TGFBR2: variants seen among roughly 807,000 people sequenced by gnomAD.
TGFBR2 encodes TGF-beta receptor type-2.
A neutral mutation model predicts 49.0 loss-of-function variants in TGFBR2; 18 were observed. That is an observed-to-expected ratio of 0.37 (90% confidence interval 0.25 to 0.54). TGFBR2 has a LOEUF of 0.54. Ranked by LOEUF, TGFBR2 falls within the 20% of genes least tolerant of loss-of-function variation. The probability of loss-of-function intolerance (pLI) is 0.85; values close to 1 mark genes in which losing one functional copy is unlikely to be tolerated. For synonymous variants in TGFBR2, 282 were observed against 275.9 expected (o/e 1.02, Z -0.22); for missense variants, 525 against 722.6 (o/e 0.73, Z 3.13).
intron 3 of TGFBR2, among the ~76,000 whole-genome samples, chr3:30,654,918 G>A (rs1244087607): frequency 2.0e-5 from 3 of 152,178 alleles, no homozygotes; most frequent in African/African-American, 4.8e-5. Flanking sequence ...AACACTGAGC[G>A]AAGAGGTGAT....
chr3:30,687,012 G>T (rs1575164535), intron 5 of TGFBR2, among the ~76,000 whole-genome samples: 1 of 152,254 alleles, frequency 6.6e-6, no homozygotes, highest in Non-Finnish European at 1.5e-5. Context: ...ATGAGAAAGG[G>T]ACTCAACTTG....
intron 1 of TGFBR2, among the ~76,000 whole-genome samples, chr3:30,615,887 C>T (rs1018025705): frequency 2.0e-5 from 3 of 151,506 alleles, no homozygotes; most frequent in South Asian, 2.1e-4. Flanking sequence ...CCACCAAGAC[C>T]GGCCAGTTTT....
chr3:30,634,415 A>G (rs1165773735), intron 1 of TGFBR2, among the ~76,000 whole-genome samples: 1 of 152,218 alleles, frequency 6.6e-6, no homozygotes, highest in Non-Finnish European at 1.5e-5. Context: ...TCTTTTGATG[A>G]AAATCATTTC....
chr3:30,630,330 A>G (rs1222398463), intron 1 of TGFBR2, among the ~76,000 whole-genome samples: 1 of 152,242 alleles, frequency 6.6e-6, no homozygotes, highest in Non-Finnish European at 1.5e-5. Context: ...AATAGAAAGC[A>G]TTATAATTTG....
rs537729001 is a variant in TGFBR2 at position 30,648,945 on chromosome 3, C to T, written c.264-1325C>T. Among the ~76,000 whole-genome samples the T allele has an allele frequency of 2.4e-4, 37 of 152,238 alleles. 1 individual carries two copies. Among genetic ancestry groups the T allele is most frequent in the African/African-American group, 8.7e-4 (36 of 41,532 alleles). On this transcript the variant is annotated intron_variant, in intron 2 of 6. Transcript: ENST00000295754. ...GCTCTTTCTCTCATGGGGATGGCCC[C>T]GCATCTTTTATAGGTGCAAGCTGTG... is the stretch of plus-strand genomic sequence containing the variant.
Position 30,608,001 on chromosome 3 carries a change from C to T in TGFBR2, c.94+1024C>T, listed in dbSNP as rs1234850989. The stretch of plus-strand genomic sequence containing the variant: ...CTGTCACCAGGCTGGAGTGCAGTGG[C>T]GCAATCTCGGCTCACTGCAACTTTG... On this transcript the variant is annotated intron_variant, in intron 1 of 6. Coordinates refer to ENST00000295754, the MANE Select transcript of TGFBR2 (RefSeq NM_003242.6). Among the ~76,000 whole-genome samples the T allele has an allele frequency of 4.6e-5, 7 of 150,564 alleles. No homozygotes were observed. In the East Asian group the frequency reaches 7.8e-4, roughly 17 times the overall value.
intron 3 of TGFBR2, among the ~76,000 whole-genome samples, chr3:30,671,114 C>T (rs1166542215): frequency 6.6e-6 from 1 of 152,130 alleles, no homozygotes; most frequent in Non-Finnish European, 1.5e-5. Flanking sequence ...ATGTCCTGAG[C>T]TTAGATAACA....
intron 3 of TGFBR2, among the ~76,000 whole-genome samples, chr3:30,657,700 C>T (rs957738471): frequency 6.6e-6 from 1 of 152,138 alleles, no homozygotes; most frequent in Non-Finnish European, 1.5e-5. Context: ...CTTATCTTTG[C>T]CTTTAGCTGG....
At chr3:30,650,032 A>G (rs1255031358) in intron 2 of TGFBR2, among the ~76,000 whole-genome samples, 1 of 152,172 alleles carries the variant, frequency 6.6e-6, no homozygotes, top group Non-Finnish European at 1.5e-5. Flanking sequence ...GGTGATGTTT[A>G]TAATCACAAA....
rs1699720050 is a variant in TGFBR2, at chr3:30,692,017, TG to T, written c.*420del. The T allele has an allele frequency of 4.5e-6, 1 of 222,632 alleles. No individual in the cohort carries two copies. Among genetic ancestry groups the T allele is most frequent in the Non-Finnish European group, 9.0e-6 (1 of 111,588 alleles). 13.8% of individuals were successfully genotyped at this position (222,632 alleles called of 1,614,324 possible). ...AATATTCCCAGGAAATTGGTTTTATTGGAGAACTCCAGAACCAAGCAGAGAA... is the reference window on the plus strand; with the variant it reads ...AATATTCCCAGGAAATTGGTTTTATTGAGAACTCCAGAACCAAGCAGAGAA... On this transcript the variant is annotated 3_prime_UTR_variant, in exon 7 of 7. Coordinates refer to ENST00000295754, the MANE Select transcript of TGFBR2 (RefSeq NM_003242.6).
chr3:30,632,262 AAC>A (rs1444280429), intron 1 of TGFBR2, among the ~76,000 whole-genome samples: 4 of 152,202 alleles, frequency 2.6e-5, no homozygotes, highest in African/African-American at 9.6e-5. Context: ...GTTGCGAAAT[AAC>A]ACACTAAGTG....
intron 5 of TGFBR2, among the ~76,000 whole-genome samples, chr3:30,675,514 GT>G (rs1030332882): frequency 2.6e-5 from 4 of 151,900 alleles, no homozygotes; most frequent in Non-Finnish European, 5.9e-5. Flanking sequence ...AGCCTCTTGA[GT>G]AGCTGAGATT....
intron 1 of TGFBR2, among the ~76,000 whole-genome samples, chr3:30,642,620 A>T (rs1028804236): frequency 6.6e-6 from 1 of 152,216 alleles, no homozygotes; most frequent in Non-Finnish European, 1.5e-5. Context: ...ATATTTACAA[A>T]CAACAAACCT....
chr3:30,687,533 C>T (rs546615418), intron 5 of TGFBR2, among the ~76,000 whole-genome samples: 2 of 152,218 alleles, frequency 1.3e-5, no homozygotes, highest in Admixed American at 1.3e-4. Flanking sequence ...CTGTAGACAA[C>T]TTTTTTTCTA....
chr3:30,669,478 T>A (rs1355162957), intron 3 of TGFBR2, among the ~76,000 whole-genome samples: 1 of 152,022 alleles, frequency 6.6e-6, no homozygotes, highest in African/African-American at 2.4e-5. Context: ...GGGCCAGTGG[T>A]GAATGTGCTG....
chr3:30,611,582 CTT>C (rs747840989), intron 1 of TGFBR2, among the ~76,000 whole-genome samples: 2 of 141,860 alleles, frequency 1.4e-5, no homozygotes, highest in Non-Finnish European at 3.1e-5. Flanking sequence ...ACTGATTCCT[CTT>C]TTTTTTTTTT....
At chr3:30,689,413 G>C (rs1245113163) in intron 6 of TGFBR2, among the ~76,000 whole-genome samples, 4 of 152,152 alleles carry the variant, frequency 2.6e-5, no homozygotes, top group Non-Finnish European at 5.9e-5. Context: ...ACCTTTTATT[G>C]CCTCTTTTGG....
intron 5 of TGFBR2, among the ~76,000 whole-genome samples, chr3:30,679,706 T>C (rs1699505922): frequency 6.6e-6 from 1 of 152,228 alleles, no homozygotes; most frequent in East Asian, 1.9e-4. Context: ...ATAAGAGAAC[T>C]GAAGGCTCAG....
intron 1 of TGFBR2, among the ~76,000 whole-genome samples, chr3:30,626,020 A>G (rs146370927): frequency 4.6e-5 from 7 of 152,336 alleles, no homozygotes; most frequent in African/African-American, 1.7e-4. Context: ...AAAGAATTCC[A>G]AAGCCTGAGC....
Sources: gnomAD v4.1 joint callset for allele counts (sites outside exome capture counted in the v4.1 genomes callset) on GRCh38, gnomAD v4.1.1 for gene constraint, MANE v1.5 for transcripts, NCBI Gene and HGNC (gene_info 2026-07-23, HGNC 2026-07-21) for gene names.